The following GRM7 variants were observed in gnomAD, a reference collection of about 807,000 sequenced individuals.
The protein encoded by GRM7 is metabotropic glutamate receptor 7.
Under a neutral mutation model 84.5 loss-of-function variants are expected in GRM7, and 35 were observed. The observed-to-expected ratio is 0.41, with a 90% CI of 0.32 to 0.55. The LOEUF (loss-of-function observed/expected upper bound fraction) is 0.55, where lower values mean the gene tolerates loss of function less well. Among genes scored for constraint, GRM7 ranks in the 20% least tolerant of loss-of-function variants. The pLI, the probability that GRM7 is intolerant of heterozygous loss-of-function variation, is 0.19. For synonymous variants in GRM7, 487 were observed against 455.1 expected (o/e 1.07, Z -0.89); for missense variants, 1,003 against 1,194.6 (o/e 0.84, Z 2.36).
intron 8 of GRM7, among the ~76,000 whole-genome samples, chr3:7,594,420 T>G (rs1695941515): frequency 1.3e-5 from 2 of 152,262 alleles, no homozygotes; most frequent in East Asian, 3.9e-4. Context: ...CCTGTAGCCC[T>G]GCCAGTCTGC....
chr3:7,078,849 G>GT (rs1168254973), intron 1 of GRM7, among the ~76,000 whole-genome samples: 1 of 134,568 alleles, frequency 7.4e-6, no homozygotes, highest in Non-Finnish European at 1.5e-5. Flanking sequence ...GGAACTCTGA[G>GT]TTTGTTTTTT....
At chr3:7,372,985 T>C (rs1436145621) in intron 4 of GRM7, among the ~76,000 whole-genome samples, 1 of 152,136 alleles carries the variant, frequency 6.6e-6, no homozygotes, top group Non-Finnish European at 1.5e-5. Flanking sequence ...ATAGTTCAAG[T>C]TGCCATTTAG....
intron 7 of GRM7, among the ~76,000 whole-genome samples, chr3:7,476,588 A>C (rs537230867): frequency 6.8e-4 from 104 of 152,280 alleles, no homozygotes; most frequent in African/African-American, 2.5e-3. Context: ...TGACTAGGAC[A>C]GTGGCTGATA....
intron 7 of GRM7, among the ~76,000 whole-genome samples, chr3:7,525,559 T>A (rs1208192327): frequency 2.6e-5 from 4 of 152,044 alleles, no homozygotes; most frequent in African/African-American, 9.7e-5. Flanking sequence ...TGTGTGTGTA[T>A]GTATGAATGA....
At chr3:7,506,107 C>T (rs1700032306) in intron 7 of GRM7, among the ~76,000 whole-genome samples, 1 of 152,154 alleles carries the variant, frequency 6.6e-6, no homozygotes, top group African/African-American at 2.4e-5. Flanking sequence ...TAGCTATTTT[C>T]TTTGACCAGA....
intron 8 of GRM7, among the ~76,000 whole-genome samples, chr3:7,586,115 C>T (rs1243279314): frequency 2.0e-5 from 3 of 152,146 alleles, no homozygotes; most frequent in Admixed American, 6.5e-5. Context: ...TTATTCCTAC[C>T]TCTAGGTTTA....
At chr3:7,192,613 C>T (rs1343576052) in intron 2 of GRM7, among the ~76,000 whole-genome samples, 1 of 152,010 alleles carries the variant, frequency 6.6e-6, no homozygotes, top group African/African-American at 2.4e-5. Flanking sequence ...TGACGCTCTT[C>T]TCTCTCCTTC....
chr3:6,890,947 T>G (rs1054802318), intron 1 of GRM7, among the ~76,000 whole-genome samples: 3 of 152,062 alleles, frequency 2.0e-5, no homozygotes, highest in Non-Finnish European at 4.4e-5. Context: ...TTAGGATAGT[T>G]AGCTCTTCTT....
At chr3:7,303,188 C>A (rs1259946440) in intron 3 of GRM7, among the ~76,000 whole-genome samples, 1 of 152,118 alleles carries the variant, frequency 6.6e-6, no homozygotes, top group Non-Finnish European at 1.5e-5. Context: ...GATCCACCTG[C>A]CTTGGCCTCC....
intron 4 of GRM7, among the ~76,000 whole-genome samples, chr3:7,335,392 C>T (rs1701377606): frequency 6.6e-6 from 1 of 152,008 alleles, no homozygotes; most frequent in African/African-American, 2.4e-5. Context: ...ATCAAAACCT[C>T]TGGGATACAG....
intron 7 of GRM7, among the ~76,000 whole-genome samples, chr3:7,569,381 G>A (rs967861450): frequency 2.6e-5 from 4 of 152,086 alleles, no homozygotes; most frequent in African/African-American, 9.7e-5. Flanking sequence ...TCCACACTCT[G>A]TATCTAGCTA....
At chr3:7,637,532 A>T (rs1698154297) in intron 8 of GRM7, among the ~76,000 whole-genome samples, 1 of 152,244 alleles carries the variant, frequency 6.6e-6, no homozygotes, top group Admixed American at 6.5e-5. Context: ...AGAAGAAATC[A>T]ATAGAAAAAT....
chr3:7,435,638 G>A (rs541782045), intron 5 of GRM7, among the ~76,000 whole-genome samples: 8 of 148,750 alleles, frequency 5.4e-5, no homozygotes, highest in Non-Finnish European at 1.0e-4. Flanking sequence ...TCAGCCTACC[G>A]AGTAGCTAGG....
intron 4 of GRM7, among the ~76,000 whole-genome samples, chr3:7,403,639 A>ATATATATATATG: frequency 6.8e-6 from 1 of 146,546 alleles, no homozygotes; most frequent in African/African-American, 2.5e-5. Context: ...ATATATATAT[A>ATATATATATATG]TATATATATA....
intron 7 of GRM7, 109 bp from the exon 8 acceptor site, chr3:7,578,313 A>C: frequency 2.9e-6 from 2 of 694,724 alleles, no homozygotes; most frequent in South Asian, 3.9e-5. Flanking sequence ...AAACTATTCA[A>C]CCTCATGCCT....
intron 1 of GRM7, among the ~76,000 whole-genome samples, chr3:6,871,159 C>G (rs1695106896): frequency 6.6e-6 from 1 of 152,046 alleles, no homozygotes; most frequent in Admixed American, 6.6e-5. Context: ...ATTTGTGACA[C>G]AATTATTCTG....
chr3:7,509,417 A>G (rs565741886), intron 7 of GRM7, among the ~76,000 whole-genome samples: 2 of 152,312 alleles, frequency 1.3e-5, no homozygotes, highest in African/African-American at 2.4e-5. Flanking sequence ...ACGGGGCTAC[A>G]TAGGATGGGT....
intron 8 of GRM7, among the ~76,000 whole-genome samples, chr3:7,588,266 C>T (rs1048611959): frequency 5.3e-5 from 8 of 152,182 alleles, no homozygotes; most frequent in Admixed American, 1.3e-4. Flanking sequence ...ATAAAGCTAT[C>T]CTCAAATGAC....
intron 7 of GRM7, among the ~76,000 whole-genome samples, chr3:7,510,337 C>T (rs763368727): frequency 5.3e-5 from 8 of 152,164 alleles, no homozygotes; most frequent in Non-Finnish European, 1.0e-4. Context: ...CTTTGTCTCT[C>T]ATCAGGATTG....
Sources: gnomAD v4.1 joint callset for allele counts (sites outside exome capture counted in the v4.1 genomes callset) on GRCh38, gnomAD v4.1.1 for gene constraint, MANE v1.5 for transcripts, NCBI Gene and HGNC (gene_info 2026-07-23, HGNC 2026-07-21) for gene names.